FAM171A1: variants seen among roughly 807,000 people sequenced by gnomAD.
The protein encoded by FAM171A1 is protein FAM171A1.
A neutral mutation model predicts 74.9 loss-of-function variants in FAM171A1; 23 were observed. That is an observed-to-expected ratio of 0.31 (90% CI 0.22 to 0.44). The LOEUF (loss-of-function observed/expected upper bound fraction) is 0.44, where lower values mean the gene tolerates loss of function less well. Ranked by LOEUF, FAM171A1 falls within the 20% of genes least tolerant of loss-of-function variation. The probability of loss-of-function intolerance (pLI) is 1.00; values close to 1 mark genes in which losing one functional copy is unlikely to be tolerated. For synonymous variants in FAM171A1, 527 were observed against 505.7 expected, an observed-to-expected ratio of 1.04 and a Z score of -0.57; for missense variants, 1,162 against 1,159.2, an observed-to-expected ratio of 1.00 and a Z score of -0.03.
At chr10:15,280,731 T>C (rs1236694399) in intron 2 of FAM171A1, among the ~76,000 whole-genome samples, 1 of 152,196 alleles carries the variant, frequency 6.6e-6, no homozygotes, top group Non-Finnish European at 1.5e-5. Context: ...AGTTTCAAAT[T>C]TTCAACATAT....
upstream of FAM171A1, among the ~76,000 whole-genome samples, chr10:15,373,647 G>A (rs1836174223): frequency 6.6e-6 from 1 of 152,110 alleles, no homozygotes; most frequent in Admixed American, 6.5e-5. Flanking sequence ...TACAATTGGG[G>A]GAAGCTGGGA....
In FAM171A1 at chr10:15,359,193, A is replaced by G. The variant is rs139980646; in HGVS notation, c.97+11763T>C. On this transcript the variant is annotated intron_variant, in intron 1 of 7. Transcript: ENST00000378116. ...TGCCTGTCTCTATTACATCAATTTA[A>G]CATTAAGTAGAGCAGACAAATCAAT... is the stretch of plus-strand genomic sequence containing the variant. Among the ~76,000 whole-genome samples, 770 of 152,328 alleles carry G rather than the reference A, an allele frequency of 5.1e-3. 5 individuals carry two copies. The highest frequency in any genetic ancestry group is 6.7e-3 in the Non-Finnish European group (453 of 68,032).
Position 15,254,760 on chromosome 10 carries a change from T to C in FAM171A1, c.538A>G (p.Ser180Gly), listed in dbSNP as rs1435826395. ...TAASSPSEVD[S>G]FPYLRGLDGN... ...TCTAATCCTCGCAAATAAGGAAAACTGTCCACCTCCGAAGGGGAGCTGGCG... is the reference window on the plus strand; with the variant it reads ...TCTAATCCTCGCAAATAAGGAAAACCGTCCACCTCCGAAGGGGAGCTGGCG... The change falls in exon 4 of 8, where the codon AGT becomes GGT. Residue 180 changes from serine to glycine, a missense_variant. Ser to Gly is a moderately conservative substitution (Grantham distance 56, BLOSUM62 0). Transcript: ENST00000378116. 6.2e-6 allele frequency: 10 copies of C among 1,614,088 alleles called. No individual in the cohort carries two copies. The highest frequency in any genetic ancestry group is 8.5e-6 in the Non-Finnish European group (10 of 1,180,032).
intron 1 of FAM171A1, among the ~76,000 whole-genome samples, chr10:15,314,192 G>A (rs1236254786): frequency 6.6e-6 from 1 of 152,070 alleles, no homozygotes; most frequent in Non-Finnish European, 1.5e-5. Context: ...CAGGAGGCAC[G>A]TCGTGTGTTA....
intron 5 of FAM171A1, among the ~76,000 whole-genome samples, chr10:15,229,813 C>T (rs796723962): frequency 0.061 from 333 of 5,462 alleles, 1 homozygote; most frequent in Middle Eastern, 0.19. Context: ...ACCATCACCA[C>T]CACCATCACC....
intron 1 of FAM171A1, among the ~76,000 whole-genome samples, chr10:15,307,733 A>G (rs558104823): frequency 2.0e-5 from 3 of 151,716 alleles, no homozygotes; most frequent in South Asian, 4.2e-4. Flanking sequence ...TATTCTTCCA[A>G]TACTGTGATG....
intron 1 of FAM171A1, among the ~76,000 whole-genome samples, chr10:15,342,512 G>A (rs574530658): frequency 1.1e-4 from 16 of 152,294 alleles, no homozygotes; most frequent in Middle Eastern, 3.4e-3. Context: ...AGGTTGAAAT[G>A]AGCCAAGATT....
At chr10:15,261,744 G>A (rs1401214911) in intron 3 of FAM171A1, among the ~76,000 whole-genome samples, 1 of 152,096 alleles carries the variant, frequency 6.6e-6, no homozygotes, top group African/African-American at 2.4e-5. Flanking sequence ...CCATGTGTGG[G>A]GAAGTGAAGG....
At chr10:15,292,347 A>G (rs189317222) in intron 1 of FAM171A1, among the ~76,000 whole-genome samples, 101 of 152,342 alleles carry the variant, frequency 6.6e-4, no homozygotes, top group African/African-American at 2.2e-3. Flanking sequence ...CTGTCCTGAT[A>G]GGAAGTTTCA....
Position 15,213,341 on chromosome 10 carries a change from TG to T in FAM171A1, c.2246del (p.Pro749GlnfsTer136). 6.2e-7 allele frequency: 1 copy of T among 1,614,208 alleles called. No homozygotes were observed. Among genetic ancestry groups the T allele is most frequent in the South Asian group, 1.1e-5 (1 of 91,084 alleles). On this transcript the variant is annotated frameshift_variant, in exon 8 of 8. Coordinates refer to ENST00000378116, the MANE Select transcript of FAM171A1 (RefSeq NM_001010924.2). LOFTEE classifies it high-confidence loss of function. The surrounding 1 kb of genome is among the most constrained non-coding windows in gnomAD (Gnocchi z 6.8). ...SLDSGVDMNEPKSARKGRGDA... is the reference protein window; with the variant it reads ...SLDSGVDMNEXKSARKGRGDA... Reference sequence around the variant, plus strand: ...CTCCCCTTCCCTTCCGGGCTGATTTTGGTTCATTCATATCTACGCCAGAGTC... The same window carrying T: ...CTCCCCTTCCCTTCCGGGCTGATTTTGTTCATTCATATCTACGCCAGAGTC...
chr10:15,233,164 C>G (rs1285724164), intron 5 of FAM171A1, among the ~76,000 whole-genome samples: 4 of 151,592 alleles, frequency 2.6e-5, no homozygotes, highest in Non-Finnish European at 4.4e-5. Context: ...GCGTGGTGGC[C>G]GGTGCCTGTA....
intron 5 of FAM171A1, 91 bp downstream of exon 5, chr10:15,248,548 G>T: frequency 7.2e-7 from 1 of 1,383,872 alleles, no homozygotes; most frequent in Non-Finnish European, 9.8e-7. Context: ...TGACTTCAAG[G>T]AAAGGAGACT....
At chr10:15,348,714 G>C (rs895489114) in intron 1 of FAM171A1, among the ~76,000 whole-genome samples, 4 of 152,190 alleles carry the variant, frequency 2.6e-5, no homozygotes, top group African/African-American at 4.8e-5. Flanking sequence ...CCCTGAATTT[G>C]AATCTGCATT....
intron 5 of FAM171A1, among the ~76,000 whole-genome samples, chr10:15,231,971 T>C (rs1834212665): frequency 6.6e-6 from 1 of 152,158 alleles, no homozygotes; most frequent in African/African-American, 2.4e-5. Context: ...CAGGTGCCTG[T>C]AGTCCCAGCT....
chr10:15,268,739 G>A (rs1383777095), intron 3 of FAM171A1, among the ~76,000 whole-genome samples: 1 of 152,094 alleles, frequency 6.6e-6, no homozygotes, highest in Non-Finnish European at 1.5e-5. Context: ...AAGAAGAAGG[G>A]ACCAAGAGAT....
At chr10:15,309,205 A>C (rs923354642) in intron 1 of FAM171A1, among the ~76,000 whole-genome samples, 6 of 152,104 alleles carry the variant, frequency 3.9e-5, no homozygotes, top group African/African-American at 9.7e-5. Flanking sequence ...GCAGAAACCA[A>C]ATTTAACTTA....
chr10:15,239,206 A>G (rs1174040838), intron 5 of FAM171A1, among the ~76,000 whole-genome samples: 1 of 152,262 alleles, frequency 6.6e-6, no homozygotes, highest in African/African-American at 2.4e-5. Context: ...GCTATGACTA[A>G]CAAAACTTCC....
At chr10:15,278,801 G>A (rs936489564) in intron 2 of FAM171A1, among the ~76,000 whole-genome samples, 2 of 152,028 alleles carry the variant, frequency 1.3e-5, no homozygotes, top group African/African-American at 2.4e-5. Flanking sequence ...TGGGGGTGAG[G>A]AAACATTCTG....
At chr10:15,245,314 G>A (rs1276361537) in intron 5 of FAM171A1, among the ~76,000 whole-genome samples, 3 of 152,182 alleles carry the variant, frequency 2.0e-5, no homozygotes, top group Non-Finnish European at 4.4e-5. Context: ...TGATCTGCCT[G>A]TCTTGGCCTC....
Sources: allele counts gnomAD v4.1 joint callset (sites outside exome capture counted in the v4.1 genomes callset), GRCh38; gene constraint gnomAD v4.1.1; non-coding constraint Gnocchi (gnomAD v3.1); transcripts MANE v1.5; gene names NCBI Gene and HGNC (gene_info 2026-07-23, HGNC 2026-07-21).